ESRRG: variants seen among roughly 807,000 people sequenced by gnomAD.
ESRRG encodes estrogen-related receptor gamma.
Under a neutral mutation model 44.0 loss-of-function variants are expected in ESRRG, and 13 were observed. The ratio of observed to expected loss-of-function variants is 0.30; its 90% CI spans 0.19 to 0.47. The LOEUF is 0.47. Ranked by LOEUF, ESRRG falls within the 20% of genes least tolerant of loss-of-function variation. The pLI is 1.00. For missense variants in ESRRG, 395 were observed against 580.6 expected (o/e 0.68, Z 3.29); for synonymous variants, 215 against 214.6 (o/e 1.00, Z -0.02).
chr1:216,992,599 T>C (rs1370333450), intron 1 of ESRRG, among the ~76,000 whole-genome samples: 2 of 152,230 alleles, frequency 1.3e-5, no homozygotes, highest in African/African-American at 4.8e-5. Flanking sequence ...AACACTCAGC[T>C]TTTGTTACTT....
In ESRRG at chr1:216,592,207, A is replaced by T. The variant is rs182144967; in HGVS notation, c.590-24109T>A. ...TCATGAAAGTCAGGGAAAGAATGTC[A>T]ATTTAATTAGAAACTCATATTTTGT... On this transcript the variant is annotated intron_variant, in intron 3 of 6. Coordinates refer to ENST00000408911, the MANE Select transcript of ESRRG (RefSeq NM_001438.4). 3.4e-4 allele frequency among the ~76,000 whole-genome samples: 52 copies of T among 152,314 alleles called. 1 individual carries two copies. The highest frequency in any genetic ancestry group is 1.2e-3 in the African/African-American group (50 of 41,566).
intron 1 of ESRRG, among the ~76,000 whole-genome samples, chr1:216,970,468 A>C (rs1212331287): frequency 6.6e-6 from 1 of 152,196 alleles, no homozygotes; most frequent in African/African-American, 2.4e-5. Flanking sequence ...TACCTAGCTC[A>C]GATAACTTTA....
At chr1:216,711,116 T>C (rs551375730) in intron 1 of ESRRG, among the ~76,000 whole-genome samples, 20 of 152,130 alleles carry the variant, frequency 1.3e-4, no homozygotes, top group Non-Finnish European at 2.6e-4. Flanking sequence ...CTCCTACCTA[T>C]CGACCGAGCC....
chr1:216,746,617 TA>T (rs2091431113), intron 2 of ESRRG, among the ~76,000 whole-genome samples: 1 of 152,178 alleles, frequency 6.6e-6, no homozygotes, highest in South Asian at 2.1e-4. Context: ...TTTTTAAAGG[TA>T]TCACTTGGAA....
At chr1:216,589,997 A>T (rs745459073) in intron 3 of ESRRG, among the ~76,000 whole-genome samples, 10 of 151,738 alleles carry the variant, frequency 6.6e-5, no homozygotes, top group Non-Finnish European at 1.0e-4. Context: ...TATAACAGCA[A>T]TTTAATGAAA....
intron 5 of ESRRG, among the ~76,000 whole-genome samples, chr1:216,523,486 C>A (rs1474083546): frequency 7.2e-6 from 1 of 139,808 alleles, no homozygotes; most frequent in Non-Finnish European, 1.5e-5. Flanking sequence ...ACTCATCAAG[C>A]ACTGTTTTTT....
In ESRRG at chr1:217,106,455, C is replaced by G. The variant is rs73103075; in HGVS notation, c.-230+31212G>C. ...CAGCCTTTTTATTTTTTAAGCGATTCTATGACTCATTCCTGAAAGTATTTA... is the reference window on the plus strand; with the variant it reads ...CAGCCTTTTTATTTTTTAAGCGATTGTATGACTCATTCCTGAAAGTATTTA... On this transcript the variant is annotated intron_variant, in intron 1 of 8. Transcript: ENST00000366940. Among the ~76,000 whole-genome samples, 442 of 151,868 alleles carry G rather than the reference C, an allele frequency of 2.9e-3. 2 individuals carry two copies. The highest frequency in any genetic ancestry group is 0.01 in the African/African-American group (425 of 41,384).
chr1:216,609,085 A>G (rs61817010), intron 3 of ESRRG, among the ~76,000 whole-genome samples: 5 of 152,226 alleles, frequency 3.3e-5, no homozygotes, highest in African/African-American at 1.2e-4. Context: ...TCTGTCAAAA[A>G]TTAGTACGTT....
At chr1:217,133,925 C>A (rs1021678591) in intron 1 of ESRRG, among the ~76,000 whole-genome samples, 1 of 152,044 alleles carries the variant, frequency 6.6e-6, no homozygotes. Context: ...TCAGAGCCAC[C>A]GGTTTCTGCC....
chr1:216,592,913 T>G (rs1349646734), intron 3 of ESRRG, among the ~76,000 whole-genome samples: 1 of 152,212 alleles, frequency 6.6e-6, no homozygotes, highest in African/African-American at 2.4e-5. Flanking sequence ...ATTCGCATAT[T>G]TATTGTATGA....
intron 1 of ESRRG, among the ~76,000 whole-genome samples, chr1:217,009,289 T>C (rs1346195072): frequency 6.6e-6 from 1 of 152,106 alleles, no homozygotes; most frequent in Non-Finnish European, 1.5e-5. Context: ...TGAAGATTGC[T>C]CTTTAAAATT....
At chr1:216,570,931 A>G (rs1259817807) in intron 3 of ESRRG, among the ~76,000 whole-genome samples, 1 of 152,206 alleles carries the variant, frequency 6.6e-6, no homozygotes, top group Non-Finnish European at 1.5e-5. Context: ...ATATTCTCCA[A>G]CCCAGAAGTC....
Position 216,930,115 on chromosome 1 carries a change from C to T in ESRRG, c.-14+9467G>A, listed in dbSNP as rs577902739. On this transcript the variant is annotated intron_variant, in intron 2 of 7. Transcript: ENST00000359162. ...TGTCATCTTCCTTTCTGACTCACATCCCCTTTGAAGAACCTTTCTCTGACT... is the reference window on the plus strand; with the variant it reads ...TGTCATCTTCCTTTCTGACTCACATTCCCTTTGAAGAACCTTTCTCTGACT... 2.6e-5 allele frequency among the ~76,000 whole-genome samples: 4 copies of T among 152,268 alleles called. No individual in the cohort carries two copies. In the East Asian group the frequency reaches 7.7e-4, roughly 29 times the overall value.
intron 2 of ESRRG, among the ~76,000 whole-genome samples, chr1:216,853,027 A>G (rs1032669362): frequency 2.6e-5 from 4 of 152,212 alleles, no homozygotes; most frequent in Non-Finnish European, 4.4e-5. Flanking sequence ...AGCCTATTAG[A>G]ACCCCTGTCC....
intron 3 of ESRRG, among the ~76,000 whole-genome samples, chr1:216,606,698 A>T (rs2059976433): frequency 6.6e-6 from 1 of 152,182 alleles, no homozygotes. Context: ...TCAGTCACTT[A>T]TTTGAAAGCA....
rs2091407268 is a variant in ESRRG, at chr1:217,077,432, T to C, written c.-106+12075A>G. Among the ~76,000 whole-genome samples, 4 of 152,322 alleles carry C rather than the reference T, an allele frequency of 2.6e-5. No homozygotes were observed. In the South Asian group the frequency reaches 8.3e-4, roughly 32 times the overall value. ...GAGTGTTCAGTCTGTGGTCTCCATC[T>C]GACAGCCATTCACATTGTGCACCTA... On this transcript the variant is annotated intron_variant, in intron 1 of 7. Transcript: ENST00000359162.
intron 3 of ESRRG, among the ~76,000 whole-genome samples, chr1:216,608,554 T>C (rs1269348519): frequency 6.6e-6 from 1 of 152,192 alleles, no homozygotes; most frequent in African/African-American, 2.4e-5. Context: ...ACAGAAATGA[T>C]AGGACTGGAC....
intron 1 of ESRRG, among the ~76,000 whole-genome samples, chr1:217,060,133 T>A (rs1400103445): frequency 6.6e-6 from 1 of 150,814 alleles, no homozygotes; most frequent in African/African-American, 2.4e-5. Context: ...ATGTATATAC[T>A]TATGCAACAT....
rs2040764863 is a variant in ESRRG, at chr1:216,503,870, T to C, written c.*3069A>G. The C allele has an allele frequency of 6.6e-6, 1 of 152,538 alleles. No homozygotes were observed. Among genetic ancestry groups the C allele is most frequent in the African/African-American group, 2.4e-5 (1 of 41,436 alleles). The allele number at this position is 152,538 out of a possible 1,614,324, so 9.4% of individuals were successfully genotyped here. Reference sequence around the variant, plus strand: ...AAGCAAAATTAAAATTAAAATCATATGGCTAAAACATACACCTTTATAACT... The same window carrying C: ...AAGCAAAATTAAAATTAAAATCATACGGCTAAAACATACACCTTTATAACT... On this transcript the variant is annotated 3_prime_UTR_variant, in exon 7 of 7. Transcript: ENST00000408911.
Sources: gnomAD v4.1 joint callset for allele counts (sites outside exome capture counted in the v4.1 genomes callset) on GRCh38, gnomAD v4.1.1 for gene constraint, MANE v1.5 for transcripts, NCBI Gene and HGNC (gene_info 2026-07-23, HGNC 2026-07-21) for gene names.